RAD51B: variants seen among roughly 807,000 people sequenced by gnomAD.
RAD51B encodes DNA repair protein RAD51 homolog 2.
RAD51B carries 38 observed loss-of-function variants against 42.2 expected under a neutral mutation model. The ratio of observed to expected loss-of-function variants is 0.90; its 90% CI spans 0.70 to 1.18. The LOEUF (loss-of-function observed/expected upper bound fraction) is 1.18. Among genes scored for constraint, RAD51B ranks in the 50% most tolerant of loss-of-function variants. RAD51B has a pLI of 0.00. For missense variants in RAD51B, 373 were observed against 400.7 expected (o/e 0.93, Z 0.59); for synonymous variants, 154 against 145.2 (o/e 1.06, Z -0.43).
chr14:68,001,797 G>T (rs1401568227), intron 7 of RAD51B, among the ~76,000 whole-genome samples: 1 of 152,128 alleles, frequency 6.6e-6, no homozygotes, highest in African/African-American at 2.4e-5. Flanking sequence ...AACATGTGGC[G>T]TTTGGTTTTC....
At chr14:68,149,818 A>C (rs1300010212) in intron 7 of RAD51B, 1 of 152,252 alleles carries the variant, frequency 6.6e-6, no homozygotes, top group African/African-American at 2.4e-5. Context: ...TTGGCATAGC[A>C]CACAACAGCC....
chr14:68,093,080 T>C (rs1360225792), intron 7 of RAD51B, among the ~76,000 whole-genome samples: 3 of 149,772 alleles, frequency 2.0e-5, no homozygotes, highest in African/African-American at 7.4e-5. Flanking sequence ...AGCTTTTTGA[T>C]GTGTTGCTGG....
chr14:67,930,338 TG>T (rs1396408963), intron 7 of RAD51B, among the ~76,000 whole-genome samples: 1 of 152,146 alleles, frequency 6.6e-6, no homozygotes, highest in African/African-American at 2.4e-5. Context: ...TGTGTGTGTG[TG>T]TGTTTTTTTT....
intron 8 of RAD51B, among the ~76,000 whole-genome samples, chr14:68,402,040 A>G (rs1020692532): frequency 3.3e-5 from 5 of 152,166 alleles, no homozygotes; most frequent in African/African-American, 1.2e-4. Context: ...GACCCAAGGA[A>G]GTAGAATGCA....
intron 5 of RAD51B, 138 bp downstream of exon 5, chr14:67,865,277 G>C: frequency 1.1e-6 from 1 of 878,240 alleles, no homozygotes. Flanking sequence ...TTGCTCTGTT[G>C]CCGGGCTGGA....
chr14:68,613,527 C>T (rs1294550253), downstream of RAD51B, among the ~76,000 whole-genome samples: 3 of 150,804 alleles, frequency 2.0e-5, no homozygotes, highest in Non-Finnish European at 2.9e-5. Flanking sequence ...GATCTCAGCT[C>T]ACTGCAAGTT....
At chr14:67,852,647 CA>C (rs1288529165) in intron 4 of RAD51B, among the ~76,000 whole-genome samples, 7 of 152,160 alleles carry the variant, frequency 4.6e-5, no homozygotes, top group African/African-American at 1.7e-4. Context: ...TAGTCACAGA[CA>C]AACCTGATAC....
In RAD51B at chr14:67,865,683, C is replaced by T. The variant is rs186908763; in HGVS notation, c.452+544C>T. Among the ~76,000 whole-genome samples, 116 of 151,882 alleles carry T rather than the reference C, an allele frequency of 7.6e-4. 6 individuals carry two copies. In the East Asian group the frequency reaches 0.021, roughly 27 times the overall value. On this transcript the variant is annotated intron_variant, in intron 5 of 10. Coordinates refer to ENST00000471583, the MANE Select transcript of RAD51B (RefSeq NM_133510.4). Reference sequence around the variant, plus strand: ...CCTCCTGAGTAGCTGGGATTACAGGCGCCCTACCACCAGGCCTAGCTAATT... The same window carrying T: ...CCTCCTGAGTAGCTGGGATTACAGGTGCCCTACCACCAGGCCTAGCTAATT...
chr14:68,513,956 A>G (rs1368876941), intron 10 of RAD51B, among the ~76,000 whole-genome samples: 1 of 152,220 alleles, frequency 6.6e-6, no homozygotes, highest in Non-Finnish European at 1.5e-5. Context: ...GAACAGTTTC[A>G]TTTCTTTAAA....
intron 7 of RAD51B, among the ~76,000 whole-genome samples, chr14:68,112,701 G>A (rs2077478332): frequency 6.6e-6 from 1 of 152,038 alleles, no homozygotes; most frequent in Non-Finnish European, 1.5e-5. Context: ...GAATTCAGAG[G>A]GAGAAGTGGC....
intron 7 of RAD51B, among the ~76,000 whole-genome samples, chr14:67,893,376 G>A (rs954774623): frequency 3.3e-5 from 5 of 151,466 alleles, no homozygotes; most frequent in African/African-American, 4.9e-5. Context: ...CCAGCATTTG[G>A]GAAGCTAAGG....
chr14:68,272,820 G>A (rs1288204573), intron 7 of RAD51B, among the ~76,000 whole-genome samples: 2 of 148,874 alleles, frequency 1.3e-5, no homozygotes, highest in African/African-American at 5.0e-5. Context: ...CAGTAGCTGG[G>A]ACTACAGGTG....
At chr14:68,022,666 TTTCAGG>T (rs1318689369) in intron 7 of RAD51B, among the ~76,000 whole-genome samples, 2 of 152,018 alleles carry the variant, frequency 1.3e-5, no homozygotes, top group Non-Finnish European at 2.9e-5. Flanking sequence ...CCAACTCTTA[TTTCAGG>T]TTCAAGGGGT....
At chr14:68,620,294 C>T (rs1017564522) in intron 10 of RAD51B, among the ~76,000 whole-genome samples, 24 of 152,216 alleles carry the variant, frequency 1.6e-4, no homozygotes, top group East Asian at 3.8e-4. Flanking sequence ...AGTCAGCAGA[C>T]GCCTGAGATA....
intron 7 of RAD51B, among the ~76,000 whole-genome samples, chr14:68,085,087 T>C (rs1156398891): frequency 6.6e-6 from 1 of 152,244 alleles, no homozygotes; most frequent in East Asian, 1.9e-4. Flanking sequence ...TAGGAAAAAC[T>C]GTCCTTTCTT....
At chr14:68,207,508 A>T (rs564981187) in intron 7 of RAD51B, among the ~76,000 whole-genome samples, 7 of 152,202 alleles carry the variant, frequency 4.6e-5, no homozygotes, top group African/African-American at 1.7e-4. Context: ...TTAGGAGAAA[A>T]TACATCTAGA....
intron 5 of RAD51B, among the ~76,000 whole-genome samples, chr14:67,880,098 C>A (rs541331154): frequency 6.6e-6 from 1 of 152,106 alleles, no homozygotes; most frequent in South Asian, 2.1e-4. Flanking sequence ...TTTTATTACT[C>A]AATATAAAAA....
At chr14:67,976,535 T>C (rs941856418) in intron 7 of RAD51B, among the ~76,000 whole-genome samples, 1 of 152,138 alleles carries the variant, frequency 6.6e-6, no homozygotes, top group Non-Finnish European at 1.5e-5. Flanking sequence ...TATGTATACA[T>C]GTGCCATGTT....
At chr14:68,454,241 T>C (rs559780564) in intron 9 of RAD51B, among the ~76,000 whole-genome samples, 1 of 152,308 alleles carries the variant, frequency 6.6e-6, no homozygotes, top group South Asian at 2.1e-4. Context: ...CCAAGATAGA[T>C]ACTGAATCAG....
Sources: gnomAD v4.1 joint callset for allele counts (sites outside exome capture counted in the v4.1 genomes callset) on GRCh38, gnomAD v4.1.1 for gene constraint, MANE v1.5 for transcripts, NCBI Gene and HGNC (gene_info 2026-07-23, HGNC 2026-07-21) for gene names.